SLC35E3: variants seen among roughly 807,000 people sequenced by gnomAD.
The protein encoded by SLC35E3 is solute carrier family 35 member E3, also known as bladder cancer-overexpressed gene 1 protein.
In SLC35E3, 28 loss-of-function variants were observed where a neutral mutation model predicts 30.8. The observed-to-expected ratio is 0.91, with a 90% CI of 0.67 to 1.25. The LOEUF (loss-of-function observed/expected upper bound fraction) is 1.25, where lower values mean the gene tolerates loss of function less well. Ranked by LOEUF, SLC35E3 falls within the 50% of genes most tolerant of loss-of-function variation. The pLI is 0.00. For missense variants in SLC35E3, 365 were observed against 375.4 expected, an observed-to-expected ratio of 0.97 and a Z score of 0.23; for synonymous variants, 146 against 149.2, an observed-to-expected ratio of 0.98 and a Z score of 0.16.
chr12:68,763,807 C>T (rs911499669), intron 4 of SLC35E3, among the ~76,000 whole-genome samples: 4 of 152,194 alleles, frequency 2.6e-5, no homozygotes, highest in African/African-American at 7.2e-5. Context: ...TGGATTAGAA[C>T]GTGGGCTTTC....
intron 3 of SLC35E3, among the ~76,000 whole-genome samples, chr12:68,756,174 G>A (rs931516404): frequency 1.3e-5 from 2 of 151,874 alleles, no homozygotes; most frequent in African/African-American, 4.8e-5. Context: ...CTTTGCAAAA[G>A]TCCTAGCCAT....
chr12:68,746,733 C>A lies in SLC35E3; in HGVS notation c.356C>A (p.Thr119Asn). The change falls in exon 1 of 5, where the codon ACC (threonine) becomes AAC (asparagine). Residue 119 changes from threonine (T) to asparagine (N), a missense_variant. Transcript: ENST00000398004. ...MTTPVIIAIQ[T>N]FCYQKTFSTR... Reference sequence around the variant, plus strand: ...ACGCCGGTGATCATAGCCATCCAGACCTTCTGCTACCAGAAAACCTTCTCC... The same window carrying A: ...ACGCCGGTGATCATAGCCATCCAGAACTTCTGCTACCAGAAAACCTTCTCC... 1 of 1,605,330 alleles carries A rather than the reference C, an allele frequency of 6.2e-7. No individual in the cohort carries two copies. Among genetic ancestry groups the A allele is most frequent in the South Asian group, 1.1e-5 (1 of 90,438 alleles).
chr12:68,746,370 C>T lies in SLC35E3; in HGVS notation c.-8C>T, dbSNP rs1878554323. ...CCGAGGCTAGACGGCCCCAGCTTCG[C>T]GGGGATCATGGCATTGCTGGTGGAC... On this transcript the variant is annotated 5_prime_UTR_variant, in exon 1 of 5. Coordinates refer to ENST00000398004, the MANE Select transcript of SLC35E3 (RefSeq NM_018656.5). 2 of 1,558,978 alleles carry T rather than the reference C, an allele frequency of 1.3e-6. No homozygotes were observed. The highest frequency in any genetic ancestry group is 1.9e-5 in the Admixed American group (1 of 53,378).
At position 68,769,414 on chromosome 12, in the gene SLC35E3, T is replaced by A. The variant is rs1028266244; in HGVS notation, c.*4524T>A. ...GCTCACGCCTGTAATCCCAACACTTTGGGAGGCTGAGGTGGGTGGATCACC... is the reference window on the plus strand; with the variant it reads ...GCTCACGCCTGTAATCCCAACACTTAGGGAGGCTGAGGTGGGTGGATCACC... On this transcript the variant is annotated 3_prime_UTR_variant, in exon 5 of 5. Transcript: ENST00000398004. 3 of 151,872 alleles carry A rather than the reference T, an allele frequency of 2.0e-5. No individual in the cohort carries two copies. The highest frequency in any genetic ancestry group is 7.3e-5 in the African/African-American group (3 of 41,328). 9.4% of individuals were successfully genotyped at this position (151,872 alleles called of 1,614,324 possible).
Position 68,763,365 on chromosome 12 carries a change from T to TTG in SLC35E3, c.756-1321_756-1320dup, listed in dbSNP as rs754969282. On this transcript the variant is annotated intron_variant, in intron 4 of 4. Coordinates refer to ENST00000398004, the MANE Select transcript of SLC35E3 (RefSeq NM_018656.5). ...AATAGTTATATTTAAATATAAGTAA[T>TTG]TGTGTGTGTGTGTGTGTGTCTGTGT... is the stretch of plus-strand genomic sequence containing the variant. 1.1e-3 allele frequency among the ~76,000 whole-genome samples: 165 copies of TTG among 150,822 alleles called. 1 individual carries two copies. The highest frequency in any genetic ancestry group is 2.7e-3 in the South Asian group (13 of 4,768).
At position 68,764,936 on chromosome 12, in the gene SLC35E3, AT is replaced by A. The variant is rs753035571; in HGVS notation, c.*47del. On this transcript the variant is annotated 3_prime_UTR_variant, in exon 5 of 5. Coordinates refer to ENST00000398004, the MANE Select transcript of SLC35E3 (RefSeq NM_018656.5). Reference sequence around the variant, plus strand: ...GAATGTTGTCCCAAGAAGATAAAAAATATTGTTAAGTGTGCAAGTTATTAAA... The same window carrying A: ...GAATGTTGTCCCAAGAAGATAAAAAAATTGTTAAGTGTGCAAGTTATTAAA... 6.5e-5 allele frequency: 103 copies of A among 1,583,526 alleles called. No individual in the cohort carries two copies. The highest frequency in any genetic ancestry group is 8.6e-5 in the Non-Finnish European group (100 of 1,162,202).
chr12:68,763,100 A>C (rs868527986), intron 4 of SLC35E3, among the ~76,000 whole-genome samples: 1 of 152,236 alleles, frequency 6.6e-6, no homozygotes, highest in African/African-American at 2.4e-5. Flanking sequence ...TTTATGATAC[A>C]TAAGTACTGC....
chr12:68,765,329 A>G lies in SLC35E3; in HGVS notation c.*439A>G, dbSNP rs1280440686. 1.3e-5 allele frequency: 2 copies of G among 152,366 alleles called. No individual in the cohort carries two copies. The highest frequency in any genetic ancestry group is 4.8e-5 in the African/African-American group (2 of 41,434). The allele number at this position is 152,366 out of a possible 1,614,324, so 9.4% of individuals were successfully genotyped here. On this transcript the variant is annotated 3_prime_UTR_variant, in exon 5 of 5. Coordinates refer to ENST00000398004, the MANE Select transcript of SLC35E3 (RefSeq NM_018656.5). ...AATTAACACAAAGCAGATTTTATTCATATAATGACTTTTTTTTAAGAGTCT... is the reference window on the plus strand; with the variant it reads ...AATTAACACAAAGCAGATTTTATTCGTATAATGACTTTTTTTTAAGAGTCT...
intron 2 of SLC35E3, among the ~76,000 whole-genome samples, chr12:68,749,555 A>AC (rs1878715155): frequency 6.6e-6 from 1 of 152,244 alleles, no homozygotes; most frequent in Non-Finnish European, 1.5e-5. Flanking sequence ...GTGTAGAAAC[A>AC]CAAAGAGACA....
At chr12:68,751,288 A>G (rs1156944788) in intron 2 of SLC35E3, among the ~76,000 whole-genome samples, 2 of 137,452 alleles carry the variant, frequency 1.5e-5, no homozygotes, top group Non-Finnish European at 3.1e-5. Flanking sequence ...GTGTCCCCCC[A>G]ACCTCTGTCT....
chr12:68,749,844 G>GAT (rs1284748710), intron 2 of SLC35E3, among the ~76,000 whole-genome samples: 1 of 152,172 alleles, frequency 6.6e-6, no homozygotes, highest in African/African-American at 2.4e-5. Context: ...AGGAGTGGGT[G>GAT]ATACCAGATG....
intron 3 of SLC35E3, among the ~76,000 whole-genome samples, chr12:68,757,149 C>T (rs1354383846): frequency 1.3e-5 from 2 of 152,112 alleles, no homozygotes; most frequent in Admixed American, 6.5e-5. Flanking sequence ...TAATAAAAGC[C>T]GTCTATGACA....
chr12:68,761,014 A>G (rs536120847), intron 4 of SLC35E3, among the ~76,000 whole-genome samples: 5 of 152,288 alleles, frequency 3.3e-5, no homozygotes, highest in Non-Finnish European at 4.4e-5. Context: ...CAGTTGCTCC[A>G]TGCAGATCAG....
At chr12:68,759,412 T>C (rs1006374398) in intron 4 of SLC35E3, among the ~76,000 whole-genome samples, 173 bp downstream of exon 4, 2 of 152,136 alleles carry the variant, frequency 1.3e-5, no homozygotes, top group East Asian at 1.9e-4. Flanking sequence ...TAAAGAAATA[T>C]GAACTGAAGG....
Position 68,764,744 on chromosome 12 carries a change from T to G in SLC35E3, c.796T>G (p.Phe266Val). 1 of 1,614,158 alleles carries G rather than the reference T, an allele frequency of 6.2e-7. No homozygotes were observed. Among genetic ancestry groups the G allele is most frequent in the Non-Finnish European group, 8.5e-7 (1 of 1,180,026 alleles). ...FGHFKFCITL[F>V]GGYVLFKDPL... is the part of the protein sequence containing the mutation. The stretch of plus-strand genomic sequence containing the variant: ...ACACTTCAAGTTCTGCATTACTTTA[T>G]TCGGAGGATATGTTTTATTTAAGGA... Residue 266 changes from phenylalanine to valine, a missense_variant, in exon 5 of 5, where the codon TTC (phenylalanine) becomes GTC (valine). Physicochemically the swap from Phe to Val is conservative, Grantham distance 50. Coordinates refer to ENST00000398004, the MANE Select transcript of SLC35E3 (RefSeq NM_018656.5).
intron 3 of SLC35E3, 64 bp from the exon 4 acceptor site, chr12:68,759,093 T>TTAA (rs1879145638): frequency 8.9e-7 from 1 of 1,124,276 alleles, no homozygotes; most frequent in Non-Finnish European, 1.3e-6. Context: ...GAATGAAATG[T>TTAA]ATCTTTGCTT....
rs1206824522 is a variant in SLC35E3, at chr12:68,779,570, A to G, written c.*14680A>G. 2.6e-5 allele frequency: 4 copies of G among 152,224 alleles called. No individual in the cohort carries two copies. 9.4% of individuals were successfully genotyped at this position (152,224 alleles called of 1,614,324 possible). A position where few individuals can be genotyped will look rare whatever the true frequency, so the allele number is the denominator to read the frequency against. The stretch of plus-strand genomic sequence containing the variant: ...ATGGTTTGAGAAGGAAAAAAAGCTT[A>G]ACAAGGGGGAATTGAGGAAGCCATT... On this transcript the variant is annotated 3_prime_UTR_variant, in exon 5 of 5. Coordinates refer to ENST00000398004, the MANE Select transcript of SLC35E3 (RefSeq NM_018656.5).
At chr12:68,755,704 A>T (rs977848858) in intron 3 of SLC35E3, among the ~76,000 whole-genome samples, 2 of 152,112 alleles carry the variant, frequency 1.3e-5, no homozygotes, top group Non-Finnish European at 1.5e-5. Flanking sequence ...AGCAAGAGAG[A>T]GAGGGGAGGA....
intron 2 of SLC35E3, among the ~76,000 whole-genome samples, chr12:68,751,421 C>T (rs1421986504): frequency 6.6e-6 from 1 of 151,938 alleles, no homozygotes; most frequent in African/African-American, 2.4e-5. Flanking sequence ...CTCAGCGTCC[C>T]GAGTAGCTGG....
Sources: allele counts gnomAD v4.1 joint callset (sites outside exome capture counted in the v4.1 genomes callset), GRCh38; gene constraint gnomAD v4.1.1; transcripts MANE v1.5; gene names NCBI Gene and HGNC (gene_info 2026-07-23, HGNC 2026-07-21).